The following KDM2A variants were observed in gnomAD, a reference collection of about 807,000 sequenced individuals.
KDM2A encodes the protein lysine-specific demethylase 2A.
A neutral mutation model predicts 137.3 loss-of-function variants in KDM2A; 3 were observed. The observed-to-expected ratio is 0.02, with a 90% CI of 0.01 to 0.06. The LOEUF is 0.06. Among genes scored for constraint, KDM2A ranks in the 10% least tolerant of loss-of-function variants. The probability of loss-of-function intolerance (pLI) is 1.00; values close to 1 mark genes in which losing one functional copy is unlikely to be tolerated. For missense variants in KDM2A, 738 were observed against 1,510.6 expected (o/e 0.49, Z 8.48); for synonymous variants, 512 against 541.5 (o/e 0.95, Z 0.76).
At chr11:67,133,692 C>T (rs1372184050) in intron 2 of KDM2A, among the ~76,000 whole-genome samples, 4 of 151,774 alleles carry the variant, frequency 2.6e-5, no homozygotes, top group Non-Finnish European at 4.4e-5. Flanking sequence ...CGTGAGCCAC[C>T]GCACCCGGCT....
At chr11:67,212,741 C>G (rs1858030568) in intron 6 of KDM2A, among the ~76,000 whole-genome samples, 1 of 151,634 alleles carries the variant, frequency 6.6e-6, no homozygotes, top group South Asian at 2.1e-4. Context: ...GACTTTCTTG[C>G]TGCAATTAAG....
chr11:67,170,719 T>C (rs1856865005), intron 2 of KDM2A, among the ~76,000 whole-genome samples: 1 of 152,092 alleles, frequency 6.6e-6, no homozygotes, highest in Non-Finnish European at 1.5e-5. Context: ...GGCCCAAGCA[T>C]GGTTTTCTGA....
chr11:67,123,350 TGCATATATTCCGGTGA>T, intron 2 of KDM2A, among the ~76,000 whole-genome samples: 1 of 145,616 alleles, frequency 6.9e-6, no homozygotes, highest in East Asian at 2.1e-4. Context: ...ATATTCAGCA[TGCATATATTCCGGTGA>T]GCCTAATTTC....
chr11:67,199,356 G>C (rs1048845337), intron 5 of KDM2A, among the ~76,000 whole-genome samples: 10 of 152,186 alleles, frequency 6.6e-5, no homozygotes, highest in African/African-American at 2.2e-4. Flanking sequence ...ATTAAGTTTA[G>C]TGATTAAGGC....
chr11:67,150,057 A>G (rs777091585), intron 2 of KDM2A, among the ~76,000 whole-genome samples: 32 of 152,366 alleles, frequency 2.1e-4, no homozygotes, highest in Non-Finnish European at 2.6e-4. Flanking sequence ...TAAACAAAAG[A>G]TAGCAAAATT....
chr11:67,185,340 A>G (rs956544461), intron 5 of KDM2A, among the ~76,000 whole-genome samples: 1 of 152,220 alleles, frequency 6.6e-6, no homozygotes, highest in Non-Finnish European at 1.5e-5. Context: ...TATAGGTTAA[A>G]TGTTATCCCT....
At chr11:67,129,376 G>T (rs1340421004) in intron 2 of KDM2A, among the ~76,000 whole-genome samples, 1 of 152,138 alleles carries the variant, frequency 6.6e-6, no homozygotes, top group Non-Finnish European at 1.5e-5. Context: ...AATGCTTGAC[G>T]TCAGGAGTTG....
At chr11:67,168,951 G>GTTTT (rs11335055) in intron 2 of KDM2A, among the ~76,000 whole-genome samples, 5 of 62,232 alleles carry the variant, frequency 8.0e-5, no homozygotes, top group East Asian at 4.5e-4. Context: ...AATCCATGTA[G>GTTTT]TTTTTTTTTT....
intron 17 of KDM2A, among the ~76,000 whole-genome samples, chr11:67,251,391 TTTC>T (rs1205332667): frequency 2.0e-5 from 3 of 152,210 alleles, no homozygotes; most frequent in Admixed American, 6.5e-5. Context: ...AGAGCTACCA[TTTC>T]TTCTTAAGTT....
At chr11:67,240,352 A>C (rs1181095121) in intron 12 of KDM2A, 1 of 1,535,266 alleles carries the variant, frequency 6.5e-7, no homozygotes, top group Admixed American at 2.0e-5. Context: ...GCAGCTCCAG[A>C]GCGACGGGAA....
In KDM2A at chr11:67,247,073, T is replaced by TTTTTA. The variant is rs1859266594; in HGVS notation, c.1965+961_1965+962insATTTT. Among the ~76,000 whole-genome samples, 3 of 43,740 alleles carry TTTTTA rather than the reference T, an allele frequency of 6.9e-5. No individual in the cohort carries two copies. The Admixed American group carries it at 7.6e-4, about 11-fold the overall frequency. The allele number at this position is 43,740 out of a possible 152,430, so 28.7% of individuals were successfully genotyped here. A position where few individuals can be genotyped will look rare whatever the true frequency, so the allele number is the denominator to read the frequency against. ...TATATATATATATATATATATATAT[T>TTTTTA]TTTTTTTTTTTTTTTTTTTTTTTTT... On this transcript the variant is annotated intron_variant, in intron 15 of 20. Transcript: ENST00000529006.
At chr11:67,214,151 C>G (rs1182207161) in intron 6 of KDM2A, among the ~76,000 whole-genome samples, 1 of 151,622 alleles carries the variant, frequency 6.6e-6, no homozygotes, top group African/African-American at 2.4e-5. Context: ...AGCGATTCTC[C>G]TGCCTCAGCC....
In KDM2A at chr11:67,245,716, C is replaced by T; in HGVS notation, c.1833+258C>T. 2 of 602,458 alleles carry T rather than the reference C, an allele frequency of 3.3e-6. No homozygotes were observed. Among genetic ancestry groups the T allele is most frequent in the South Asian group, 4.3e-5 (2 of 46,292 alleles). The allele number at this position is 602,458 out of a possible 1,614,324, so 37.3% of individuals were successfully genotyped here. A position where few individuals can be genotyped will look rare whatever the true frequency, so the allele number is the denominator to read the frequency against. On this transcript the variant is annotated intron_variant, in intron 14 of 20. Transcript: ENST00000529006. The surrounding 1 kb of genome is among the most constrained non-coding windows in gnomAD (Gnocchi z 4.1). ...TGAAGGGCAAATCATTGCTTTCTTTCCCCTCTTCAGGTAGATTAGAAAGGA... is the reference window on the plus strand; with the variant it reads ...TGAAGGGCAAATCATTGCTTTCTTTTCCCTCTTCAGGTAGATTAGAAAGGA...
intron 2 of KDM2A, among the ~76,000 whole-genome samples, chr11:67,177,835 C>A (rs1248796000): frequency 1.3e-5 from 2 of 152,174 alleles, no homozygotes; most frequent in Non-Finnish European, 2.9e-5. Context: ...ACATGACTGG[C>A]AGCACAGTTA....
intron 2 of KDM2A, among the ~76,000 whole-genome samples, chr11:67,148,771 T>C (rs1182574536): frequency 1.3e-5 from 2 of 152,020 alleles, no homozygotes; most frequent in African/African-American, 2.4e-5. Context: ...ATTGCACTCC[T>C]GTCTGGGCTA....
intron 10 of KDM2A, among the ~76,000 whole-genome samples, chr11:67,220,494 T>C (rs1017288899): frequency 1.3e-5 from 2 of 152,194 alleles, no homozygotes; most frequent in Admixed American, 1.3e-4. Context: ...ACTTTAATTA[T>C]ATAAATGTAT....
intron 11 of KDM2A, among the ~76,000 whole-genome samples, chr11:67,230,093 G>A (rs568934051): frequency 4.7e-5 from 7 of 150,444 alleles, no homozygotes; most frequent in African/African-American, 9.8e-5. Context: ...GAAGAATGGC[G>A]TGAACCCAGA....
At chr11:67,242,628 TG>T (rs1859081560) in intron 12 of KDM2A, among the ~76,000 whole-genome samples, 2 of 152,134 alleles carry the variant, frequency 1.3e-5, no homozygotes, top group African/African-American at 4.8e-5. Flanking sequence ...AGTAAGGGAT[TG>T]GGAACAAAGG....
Position 67,209,750 on chromosome 11 carries a change from C to T in KDM2A, c.486+2062C>T, listed in dbSNP as rs1857922085. Reference sequence around the variant, plus strand: ...TGAGCCACTGTACCCGGCCAATTTCCAGAATTTTAATTTAAAAATAACAGG... The same window carrying T: ...TGAGCCACTGTACCCGGCCAATTTCTAGAATTTTAATTTAAAAATAACAGG... On this transcript the variant is annotated intron_variant, in intron 6 of 20. Transcript: ENST00000529006. Among the ~76,000 whole-genome samples, 3 of 152,066 alleles carry T rather than the reference C, an allele frequency of 2.0e-5. No homozygotes were observed. The South Asian group carries it at 6.2e-4, about 32-fold the overall frequency.
Sources: gnomAD v4.1 joint callset for allele counts (sites outside exome capture counted in the v4.1 genomes callset) on GRCh38, gnomAD v4.1.1 for gene constraint, Gnocchi (gnomAD v3.1) non-coding constraint, MANE v1.5 for transcripts, NCBI Gene and HGNC (gene_info 2026-07-23, HGNC 2026-07-21) for gene names.